Variants in DCC observed in about 807,000 individuals in gnomAD.
DCC encodes the protein netrin receptor DCC.
DCC carries 58 observed loss-of-function variants against 172.5 expected under a neutral mutation model. The ratio of observed to expected loss-of-function variants is 0.34; its 90% confidence interval spans 0.27 to 0.42. DCC has a LOEUF of 0.42. Among genes scored for constraint, DCC ranks in the 10% least tolerant of loss-of-function variants. The pLI, the probability that DCC is intolerant of heterozygous loss-of-function variation, is 1.00. For missense variants in DCC, 1,740 were observed against 1,791.0 expected, an observed-to-expected ratio of 0.97 and a Z score of 0.51; for synonymous variants, 709 against 644.5, an observed-to-expected ratio of 1.10 and a Z score of -1.52.
intron 14 of DCC, among the ~76,000 whole-genome samples, chr18:53,324,109 A>C (rs918428376): frequency 3.3e-5 from 5 of 152,196 alleles, no homozygotes; most frequent in Non-Finnish European, 7.3e-5. Flanking sequence ...TGCACACACA[A>C]AAAAGTATTC....
chr18:52,754,285 C>A (rs955042324), intron 2 of DCC: 3 of 152,174 alleles, frequency 2.0e-5, no homozygotes, highest in Admixed American at 2.0e-4. Context: ...CCATATGTAG[C>A]TTCAAACCAC....
chr18:53,199,660 T>C (rs540569973), intron 9 of DCC, among the ~76,000 whole-genome samples: 1 of 151,962 alleles, frequency 6.6e-6, no homozygotes, highest in East Asian at 1.9e-4. Flanking sequence ...AGGGAAATAA[T>C]GAATTTGAAT....
At chr18:53,516,069 C>G (rs1467694654) in intron 27 of DCC, among the ~76,000 whole-genome samples, 1 of 145,844 alleles carries the variant, frequency 6.9e-6, no homozygotes, top group Admixed American at 6.6e-5. Flanking sequence ...GCTACAGTAA[C>G]CAAAACAGGA....
At chr18:53,047,274 A>AATTT (rs1260761101) in intron 5 of DCC, among the ~76,000 whole-genome samples, 1 of 18,218 alleles carries the variant, frequency 5.5e-5, no homozygotes, top group East Asian at 7.8e-4. Flanking sequence ...ATATATATAT[A>AATTT]TATATATATA....
At chr18:53,395,710 T>G (rs1002875337) in intron 17 of DCC, among the ~76,000 whole-genome samples, 1 of 152,218 alleles carries the variant, frequency 6.6e-6, no homozygotes, top group South Asian at 2.1e-4. Context: ...TGGCCTGATC[T>G]TGGCTCACTG....
At chr18:53,453,900 C>T (rs1030278445) in intron 23 of DCC, among the ~76,000 whole-genome samples, 6 of 152,150 alleles carry the variant, frequency 3.9e-5, no homozygotes, top group Non-Finnish European at 8.8e-5. Flanking sequence ...CAATGGAATA[C>T]TTCTAATTTA....
chr18:52,393,327 G>T (rs2144354547), intron 1 of DCC, among the ~76,000 whole-genome samples: 1 of 152,220 alleles, frequency 6.6e-6, no homozygotes, highest in East Asian at 1.9e-4. Context: ...AAGCACATCA[G>T]ATGGTTCTAA....
chr18:53,126,505 C>G (rs1380160042), intron 7 of DCC, among the ~76,000 whole-genome samples: 2 of 151,902 alleles, frequency 1.3e-5, no homozygotes, highest in Middle Eastern at 3.4e-3. Context: ...TTAGTATTAT[C>G]TTTTTGGGCT....
intron 2 of DCC, among the ~76,000 whole-genome samples, chr18:52,893,175 GTCTC>G (rs904165197): frequency 1.1e-4 from 16 of 150,870 alleles, no homozygotes; most frequent in Admixed American, 3.3e-4. Flanking sequence ...CCTTTTTTTT[GTCTC>G]TCTCTAAAGA....
intron 21 of DCC, chr18:53,416,698 G>A (rs1910329690): frequency 1.2e-5 from 2 of 170,358 alleles, no homozygotes; most frequent in African/African-American, 4.8e-5. Flanking sequence ...TTGACTCACA[G>A]CACAGTATTT....
chr18:52,955,811 C>T (rs1385099635), intron 5 of DCC, among the ~76,000 whole-genome samples: 1 of 151,976 alleles, frequency 6.6e-6, no homozygotes, highest in Non-Finnish European at 1.5e-5. Context: ...ACATATGATA[C>T]TGAATGCATG....
chr18:52,887,537 A>G (rs2039587462), intron 2 of DCC, among the ~76,000 whole-genome samples: 1 of 152,202 alleles, frequency 6.6e-6, no homozygotes, highest in Non-Finnish European at 1.5e-5. Context: ...CTTGTCCACG[A>G]TGATAGAATC....
chr18:53,428,113 TAATATATAATATATAATATAATATA>T (rs1911154534), intron 21 of DCC, among the ~76,000 whole-genome samples: 1 of 30,564 alleles, frequency 3.3e-5, no homozygotes, highest in Admixed American at 5.1e-4. Flanking sequence ...TATAATATAA[TAATATATAATATATAATATAATATA>T]ATAATATATA....
At position 52,493,109 on chromosome 18, in the gene DCC, A is replaced by T. The variant is rs117617541; in HGVS notation, c.91+152231A>T. Among the ~76,000 whole-genome samples, 1,522 of 152,228 alleles carry T rather than the reference A, an allele frequency of 1.0e-2. 58 individuals carry two copies. The highest frequency in any genetic ancestry group is 0.064 in the Admixed American group (974 of 15,246). On this transcript the variant is annotated intron_variant, in intron 1 of 28. Coordinates refer to ENST00000442544, the MANE Select transcript of DCC (RefSeq NM_005215.4). ...CAAACCATAGGGAATGGCCAAGGAA[A>T]GTATGACTTCCAGCAAATGGCTGAG...
intron 5 of DCC, among the ~76,000 whole-genome samples, chr18:52,977,695 C>T (rs1359801618): frequency 2.0e-5 from 3 of 151,746 alleles, no homozygotes; most frequent in Non-Finnish European, 4.4e-5. Context: ...ACCATCCTGG[C>T]TAACATGGTG....
chr18:53,511,638 C>A (rs577129798), intron 27 of DCC, among the ~76,000 whole-genome samples: 1 of 152,168 alleles, frequency 6.6e-6, no homozygotes, highest in African/African-American at 2.4e-5. Flanking sequence ...CGAGGCATTG[C>A]GTCACTTGGG....
intron 2 of DCC, among the ~76,000 whole-genome samples, chr18:52,752,909 A>G (rs1439393939): frequency 6.6e-6 from 1 of 152,048 alleles, no homozygotes; most frequent in Non-Finnish European, 1.5e-5. Flanking sequence ...AGGTTCATCT[A>G]TGTTATCACA....
intron 1 of DCC, among the ~76,000 whole-genome samples, chr18:52,739,287 CAT>C: frequency 6.6e-6 from 1 of 152,202 alleles, no homozygotes; most frequent in East Asian, 1.9e-4. Context: ...TTTTTTTAAA[CAT>C]ATGTTATGAT....
intron 1 of DCC, among the ~76,000 whole-genome samples, chr18:52,369,817 A>G (rs1985039608): frequency 6.6e-6 from 1 of 152,084 alleles, no homozygotes; most frequent in South Asian, 2.1e-4. Context: ...ACCAGAGTGA[A>G]TGTAAAAAGT....
Sources: allele counts gnomAD v4.1 joint callset (sites outside exome capture counted in the v4.1 genomes callset), GRCh38; gene constraint gnomAD v4.1.1; transcripts MANE v1.5; gene names NCBI Gene and HGNC (gene_info 2026-07-23, HGNC 2026-07-21).